The following MYO1H variants were observed in gnomAD, a reference collection of about 807,000 sequenced individuals.
MYO1H encodes the protein unconventional myosin-Ih.
Under a neutral mutation model 149.3 loss-of-function variants are expected in MYO1H, and 118 were observed. The ratio of observed to expected loss-of-function variants is 0.79; its 90% CI spans 0.68 to 0.92. The LOEUF is 0.92. Among genes scored for constraint, MYO1H ranks in the 40% least tolerant of loss-of-function variants. The probability of loss-of-function intolerance (pLI) is 0.00; values close to 1 mark genes in which losing one functional copy is unlikely to be tolerated. For synonymous variants in MYO1H, 447 were observed against 465.2 expected (o/e 0.96, Z 0.50); for missense variants, 1,212 against 1,280.7 (o/e 0.95, Z 0.82).
At chr12:109,377,281 T>C (rs920596184) in intron 1 of MYO1H, among the ~76,000 whole-genome samples, 10 of 152,152 alleles carry the variant, frequency 6.6e-5, no homozygotes, top group Non-Finnish European at 8.8e-5. Context: ...AAGTTCAAGA[T>C]TGGGCATCTG....
At chr12:109,352,280 C>T (rs1868477281) in intron 1 of MYO1H, among the ~76,000 whole-genome samples, 1 of 152,176 alleles carries the variant, frequency 6.6e-6, no homozygotes, top group African/African-American at 2.4e-5. Context: ...TGAAATTCTG[C>T]CAGCCCTGGC....
At chr12:109,332,015 C>T in the MYO1H span, among the ~76,000 whole-genome samples, 1 of 152,046 alleles carries the variant, frequency 6.6e-6, no homozygotes, top group Non-Finnish European at 1.5e-5. Context: ...AATGTTATAA[C>T]ACAATCTATC....
rs1010879530 is a variant in MYO1H at position 109,364,764 on chromosome 12, AT to A, written c.12+16801del. ...TCAAAGTCCTAAGGAATAGCAATAC[AT>A]TTTTTTTTCCATATGATAATGTTAC... On this transcript the variant is annotated intron_variant, in intron 1 of 31. Coordinates refer to ENST00000310903, the Ensembl canonical transcript of MYO1H. 1.3e-4 allele frequency among the ~76,000 whole-genome samples: 20 copies of A among 151,696 alleles called. No individual in the cohort carries two copies. In the South Asian group the frequency reaches 1.5e-3, roughly 11 times the overall value.
chr12:109,413,483 T>C (rs1009021855), intron 14 of MYO1H, among the ~76,000 whole-genome samples: 1 of 152,166 alleles, frequency 6.6e-6, no homozygotes, highest in African/African-American at 2.4e-5. Context: ...TTGCAAAGGA[T>C]AAGTACATGA....
chr12:109,379,553 C>T (rs560093986), intron 1 of MYO1H, among the ~76,000 whole-genome samples: 4 of 151,998 alleles, frequency 2.6e-5, no homozygotes, highest in Admixed American at 1.3e-4. Flanking sequence ...AAATACTTTG[C>T]AGTTCTAAAA....
intron 12 of MYO1H, among the ~76,000 whole-genome samples, 153 bp from the exon 13 acceptor site, chr12:109,410,535 G>A (rs1000727270): frequency 2.0e-5 from 3 of 152,122 alleles, no homozygotes; most frequent in Non-Finnish European, 2.9e-5. Flanking sequence ...TATTTCCTGG[G>A]AAATTATTTT....
At chr12:109,402,339 C>G (rs1870201846) in intron 6 of MYO1H, among the ~76,000 whole-genome samples, 1 of 152,026 alleles carries the variant, frequency 6.6e-6, no homozygotes, top group African/African-American at 2.4e-5. Context: ...TGAATGGAGG[C>G]CACCTTGTAG....
At chr12:109,412,198 C>G (rs1301195604) in intron 14 of MYO1H, among the ~76,000 whole-genome samples, 1 of 152,118 alleles carries the variant, frequency 6.6e-6, no homozygotes, top group Non-Finnish European at 1.5e-5. Flanking sequence ...CAGTCTGTCA[C>G]CTAGGCTGGA....
rs145490277 is a variant in MYO1H, at chr12:109,366,520, C to T, written c.12+18548C>T. On this transcript the variant is annotated intron_variant, in intron 1 of 31. Coordinates refer to ENST00000310903, the Ensembl canonical transcript of MYO1H. The stretch of plus-strand genomic sequence containing the variant: ...CCATATAGCTGTGGGATTTGTTTCA[C>T]GGTTTAAGAGGACAAGAAACCGTAC... Among the ~76,000 whole-genome samples, 411 of 152,250 alleles carry T rather than the reference C, an allele frequency of 2.7e-3. 1 individual carries two copies. The highest frequency in any genetic ancestry group is 9.3e-3 in the African/African-American group (387 of 41,554).
At chr12:109,443,132 A>ATGTGTGTATATGTGTACGTATG (rs1198896182) in intron 27 of MYO1H, among the ~76,000 whole-genome samples, 1 of 71,646 alleles carries the variant, frequency 1.4e-5, no homozygotes, top group Non-Finnish European at 2.8e-5. Flanking sequence ...GTACGTATAT[A>ATGTGTGTATATGTGTACGTATG]TGTGTGTATA....
chr12:109,396,272 T>C, intron 3 of MYO1H, 112 bp from the exon 4 acceptor site: 1 of 827,070 alleles, frequency 1.2e-6, no homozygotes. Flanking sequence ...TGTACCACAG[T>C]CTGGATGTGG....
the MYO1H span, among the ~76,000 whole-genome samples, chr12:109,324,496 CT>C: frequency 6.6e-6 from 1 of 152,150 alleles, no homozygotes; most frequent in Non-Finnish European, 1.5e-5. Flanking sequence ...AAGCTTCCCC[CT>C]GCCATGATTA....
chr12:109,447,029 G>GA, intron 31 of MYO1H, 130 bp from the exon 32 acceptor site: 3 of 869,220 alleles, frequency 3.5e-6, no homozygotes, highest in Non-Finnish European at 5.7e-6. Flanking sequence ...TGTCTCATGG[G>GA]AGGTGGCACT....
chr12:109,351,704 A>T (rs1161011075), intron 1 of MYO1H, among the ~76,000 whole-genome samples: 1 of 152,218 alleles, frequency 6.6e-6, no homozygotes, highest in Non-Finnish European at 1.5e-5. Context: ...CATGGCTAGG[A>T]TGATTGCAAT....
At chr12:109,364,189 A>AG (rs1868816026) in intron 1 of MYO1H, among the ~76,000 whole-genome samples, 1 of 151,360 alleles carries the variant, frequency 6.6e-6, no homozygotes, top group Admixed American at 6.6e-5. Context: ...AAAAAAAAAA[A>AG]AAAAAAAAAG....
intron 25 of MYO1H, 120 bp from the exon 26 acceptor site, chr12:109,441,495 A>G (rs1023476167): frequency 4.5e-5 from 27 of 601,022 alleles, no homozygotes; most frequent in Middle Eastern, 5.4e-4. Context: ...TGTATGCTCC[A>G]GGGTAACAAG....
intron 1 of MYO1H, among the ~76,000 whole-genome samples, chr12:109,375,383 C>T (rs1277581190): frequency 2.0e-5 from 3 of 152,068 alleles, no homozygotes; most frequent in Non-Finnish European, 4.4e-5. Context: ...AAACTCATGG[C>T]CTCAAGCGAT....
chr12:109,389,856 T>C (rs1869566651), intron 2 of MYO1H, among the ~76,000 whole-genome samples: 1 of 152,214 alleles, frequency 6.6e-6, no homozygotes, highest in Non-Finnish European at 1.5e-5. Context: ...CGTGACTTAA[T>C]CTATATGTTG....
At chr12:109,380,395 C>G (rs1304657057) in intron 1 of MYO1H, among the ~76,000 whole-genome samples, 1 of 152,066 alleles carries the variant, frequency 6.6e-6, no homozygotes, top group African/African-American at 2.4e-5. Context: ...AAATGTACAT[C>G]TGGTTGCTAG....
Sources: gnomAD v4.1 joint callset for allele counts (sites outside exome capture counted in the v4.1 genomes callset) on GRCh38, gnomAD v4.1.1 for gene constraint, MANE v1.5 for transcripts, NCBI Gene and HGNC (gene_info 2026-07-23, HGNC 2026-07-21) for gene names.